The following HPCAL1 variants were observed in gnomAD, a reference collection of about 807,000 sequenced individuals.
HPCAL1 encodes the protein hippocalcin like 1, also known as hippocalcin-like protein 1.
HPCAL1 carries 8 observed loss-of-function variants against 17.1 expected under a neutral mutation model. The ratio of observed to expected loss-of-function variants is 0.47; its 90% CI spans 0.27 to 0.84. HPCAL1 has a LOEUF of 0.84. Ranked by LOEUF, HPCAL1 falls within the 40% of genes least tolerant of loss-of-function variation. The pLI, the probability that HPCAL1 is intolerant of heterozygous loss-of-function variation, is 0.13. For synonymous variants in HPCAL1, 112 were observed against 111.4 expected (o/e 1.01, Z -0.03); for missense variants, 165 against 271.1 (o/e 0.61, Z 2.75).
intron 1 of HPCAL1, among the ~76,000 whole-genome samples, chr2:10,313,549 G>A (rs765539071): frequency 2.0e-5 from 3 of 152,294 alleles, no homozygotes; most frequent in Admixed American, 6.5e-5. Flanking sequence ...TTTGTTTTAC[G>A]CATTTGTTAA....
chr2:10,315,029 C>CTT (rs1558450749), intron 1 of HPCAL1, among the ~76,000 whole-genome samples: 1 of 151,480 alleles, frequency 6.6e-6, no homozygotes, highest in East Asian at 1.9e-4. Context: ...CGGTGGCTCA[C>CTT]GCCTGTAATC....
chr2:10,320,460 G>A (rs973202991), intron 1 of HPCAL1, among the ~76,000 whole-genome samples: 1 of 152,172 alleles, frequency 6.6e-6, no homozygotes. Flanking sequence ...CAGCCATGTA[G>A]GACGTGCCTG....
At chr2:10,414,447 A>G (rs917958254) in intron 2 of HPCAL1, among the ~76,000 whole-genome samples, 5 of 152,092 alleles carry the variant, frequency 3.3e-5, no homozygotes, top group Admixed American at 6.5e-5. Flanking sequence ...AGAATTGCAG[A>G]TGGCTGTCAT....
At position 10,395,636 on chromosome 2, in the gene HPCAL1, A is replaced by C. The variant is rs920377838; in HGVS notation, c.-110-1199A>C. 3.2e-4 allele frequency among the ~76,000 whole-genome samples: 49 copies of C among 151,984 alleles called. No homozygotes were observed. The highest frequency in any genetic ancestry group is 1.2e-3 in the African/African-American group (49 of 41,368). ...CGGGATCGTTGCTATGAGAGAGAGA[A>C]CCTTGCGTTGGGAGAAAGTAATTAG... On this transcript the variant is annotated intron_variant, in intron 1 of 4. Transcript: ENST00000307845. This position sits in a 1 kb window ranked among gnomAD's most constrained non-coding sequence, Gnocchi z 4.4.
intron 1 of HPCAL1, among the ~76,000 whole-genome samples, chr2:10,340,321 T>C (rs1049154413): frequency 2.0e-5 from 3 of 152,222 alleles, no homozygotes; most frequent in African/African-American, 7.2e-5. Flanking sequence ...GTGCAGTGTC[T>C]AGGCTGCTTT....
rs1665253247 is a variant in HPCAL1 at position 10,344,043 on chromosome 2, T to C, written c.-111+40866T>C. ...AGCTGTTGCTTTCTAACTGGGTTAC[T>C]GAGCTGTCGAAGGAGCAGGGATGAA... On this transcript the variant is annotated intron_variant, in intron 1 of 4. Transcript: ENST00000307845. The surrounding 1 kb of genome is among the most constrained non-coding windows in gnomAD (Gnocchi z 4.9). 6.6e-6 allele frequency among the ~76,000 whole-genome samples: 1 copy of C among 152,192 alleles called. No individual in the cohort carries two copies. Among genetic ancestry groups the C allele is most frequent in the African/African-American group, 2.4e-5 (1 of 41,442 alleles).
chr2:10,402,900 C>T (rs998252525), intron 2 of HPCAL1, among the ~76,000 whole-genome samples: 1 of 152,142 alleles, frequency 6.6e-6, no homozygotes, highest in Non-Finnish European at 1.5e-5. Context: ...GGAGGACGCG[C>T]GTCTCACAAA....
intron 1 of HPCAL1, among the ~76,000 whole-genome samples, chr2:10,364,552 G>C (rs1666727112): frequency 6.6e-6 from 1 of 151,908 alleles, no homozygotes; most frequent in African/African-American, 2.4e-5. Flanking sequence ...TCCCTCCCCG[G>C]CCCTGACGGC....
At chr2:10,406,129 A>G (rs1189737887) in intron 2 of HPCAL1, 1 of 152,198 alleles carries the variant, frequency 6.6e-6, no homozygotes, top group Non-Finnish European at 1.5e-5. Context: ...TCCTTTAGTC[A>G]TTCCTTCCAG....
Position 10,395,104 on chromosome 2 carries a change from T to C in HPCAL1, c.-110-1731T>C, listed in dbSNP as rs1469782355. On this transcript the variant is annotated intron_variant, in intron 1 of 4. Transcript: ENST00000307845. The surrounding 1 kb of genome is among the most constrained non-coding windows in gnomAD (Gnocchi z 4.4). ...GAACAATGGTGTCCAGCCTAAAATC[T>C]ATCTTTAAAACACACACACACACAC... Among the ~76,000 whole-genome samples, 3 of 142,304 alleles carry C rather than the reference T, an allele frequency of 2.1e-5. No homozygotes were observed. The highest frequency in any genetic ancestry group is 4.5e-5 in the Non-Finnish European group (3 of 66,230). The allele number at this position is 142,304 out of a possible 152,430, so 93.4% of individuals were successfully genotyped here. A position where few individuals can be genotyped will look rare whatever the true frequency, so the allele number is the denominator to read the frequency against.
intron 1 of HPCAL1, among the ~76,000 whole-genome samples, chr2:10,337,630 T>C (rs1230068474): frequency 6.6e-6 from 1 of 152,202 alleles, no homozygotes; most frequent in East Asian, 1.9e-4. Context: ...GGCTGAGAAA[T>C]GTGCTCTGGG....
At position 10,365,022 on chromosome 2, in the gene HPCAL1, G is replaced by A. The variant is rs1666761172; in HGVS notation, c.-110-31813G>A. Reference sequence around the variant, plus strand: ...TGTGATGTCACCCAGGTGCCACCAGGTGTGTGTGTCCTGATGCCTTTGGCC... The same window carrying A: ...TGTGATGTCACCCAGGTGCCACCAGATGTGTGTGTCCTGATGCCTTTGGCC... On this transcript the variant is annotated intron_variant, in intron 1 of 4. Transcript: ENST00000307845. The surrounding 1 kb of genome is among the most constrained non-coding windows in gnomAD (Gnocchi z 4.8). 6.6e-6 allele frequency among the ~76,000 whole-genome samples: 1 copy of A among 152,188 alleles called. No homozygotes were observed. Among genetic ancestry groups the A allele is most frequent in the Admixed American group, 6.5e-5 (1 of 15,284 alleles).
intron 2 of HPCAL1, among the ~76,000 whole-genome samples, chr2:10,416,511 T>C (rs55961729): frequency 0.16 from 24,829 of 152,092 alleles, 2,168 homozygotes; most frequent in South Asian, 0.19. Flanking sequence ...TCCAACAGGA[T>C]AGCAGTCTTG....
chr2:10,353,054 G>A (rs970946610), intron 1 of HPCAL1, among the ~76,000 whole-genome samples: 12 of 152,222 alleles, frequency 7.9e-5, no homozygotes, highest in Admixed American at 7.2e-4. Flanking sequence ...TAGGGTAAGG[G>A]AAGAATGAAT....
rs555771355 is a variant in HPCAL1, at chr2:10,334,230, TC to T, written c.-111+31056del. Among the ~76,000 whole-genome samples the T allele has an allele frequency of 6.6e-5, 10 of 152,292 alleles. No individual in the cohort carries two copies. The East Asian group carries it at 1.9e-3, about 29-fold the overall frequency. On this transcript the variant is annotated intron_variant, in intron 1 of 4. Coordinates refer to ENST00000307845, the MANE Select transcript of HPCAL1 (RefSeq NM_002149.4). ...CAGGCATGGTGGCTCACGCCTGTAA[TC>T]CCAGCTCTTCGGGAGGCTGAGGCAG...
chr2:10,386,786 G>T (rs1374291267), intron 1 of HPCAL1, among the ~76,000 whole-genome samples: 1 of 152,178 alleles, frequency 6.6e-6, no homozygotes, highest in Non-Finnish European at 1.5e-5. Flanking sequence ...CCGCTGCCTG[G>T]ACCCCTTCCA....
rs1232763113 is a variant in HPCAL1 at position 10,354,184 on chromosome 2, C to T, written c.-110-42651C>T. 6.6e-6 allele frequency: 1 copy of T among 152,254 alleles called. No homozygotes were observed. The highest frequency in any genetic ancestry group is 2.4e-5 in the African/African-American group (1 of 41,446). 9.4% of individuals were successfully genotyped at this position (152,254 alleles called of 1,614,324 possible). ...CCTTAACTTGCTCTTCCTGAAGCCT[C>T]AACTCACTCATCTTCTTTCTCAACC... On this transcript the variant is annotated intron_variant, in intron 1 of 4. Transcript: ENST00000307845. The surrounding 1 kb of genome is among the most constrained non-coding windows in gnomAD (Gnocchi z 5.1).
At position 10,367,485 on chromosome 2, in the gene HPCAL1, C is replaced by T. The variant is rs1030303889; in HGVS notation, c.-110-29350C>T. Among the ~76,000 whole-genome samples the T allele has an allele frequency of 1.3e-5, 2 of 152,022 alleles. No homozygotes were observed. The highest frequency in any genetic ancestry group is 4.8e-5 in the African/African-American group (2 of 41,372). ...GTAGAGATGGGATGTTGCCATGTTA[C>T]CCAGACTGGTCTTAAACTCCTGGGC... is the stretch of plus-strand genomic sequence containing the variant. On this transcript the variant is annotated intron_variant, in intron 1 of 4. Transcript: ENST00000307845. This position sits in a 1 kb window ranked among gnomAD's most constrained non-coding sequence, Gnocchi z 4.4.
chr2:10,407,906 G>A (rs1174809889), intron 2 of HPCAL1, among the ~76,000 whole-genome samples: 3 of 152,218 alleles, frequency 2.0e-5, no homozygotes, highest in African/African-American at 4.8e-5. Flanking sequence ...CTAGAAAAAC[G>A]CTGTTAGAAT....
Sources: gnomAD v4.1 joint callset for allele counts (sites outside exome capture counted in the v4.1 genomes callset) on GRCh38, gnomAD v4.1.1 for gene constraint, Gnocchi (gnomAD v3.1) non-coding constraint, MANE v1.5 for transcripts, NCBI Gene and HGNC (gene_info 2026-07-23, HGNC 2026-07-21) for gene names.